The following GRM5 variants were observed in gnomAD, a reference collection of about 807,000 sequenced individuals.
GRM5 encodes the protein glutamate metabotropic receptor 5.
In GRM5, 19 loss-of-function variants were observed where a neutral mutation model predicts 83.1. The ratio of observed to expected loss-of-function variants is 0.23; its 90% confidence interval spans 0.16 to 0.34. GRM5 has a LOEUF of 0.34. GRM5 is among the 10% of genes least tolerant of loss of function. The pLI, the probability that GRM5 is intolerant of heterozygous loss-of-function variation, is 1.00. For synonymous variants in GRM5, 675 were observed against 633.6 expected (o/e 1.07, Z -0.98); for missense variants, 1,160 against 1,588.3 (o/e 0.73, Z 4.58).
At chr11:88,990,090 A>G (rs1038931754) in intron 2 of GRM5, among the ~76,000 whole-genome samples, 1 of 149,938 alleles carries the variant, frequency 6.7e-6, no homozygotes, top group Non-Finnish European at 1.5e-5. Context: ...TTTTGAAAGG[A>G]TCAACAAAAT....
At position 88,679,632 on chromosome 11, in the gene GRM5, G is replaced by T. The variant is rs149145560; in HGVS notation, c.912-26229C>A. Among the ~76,000 whole-genome samples, 682 of 152,142 alleles carry T rather than the reference G, an allele frequency of 4.5e-3. 6 individuals carry two copies. The highest frequency in any genetic ancestry group is 0.016 in the African/African-American group (658 of 41,514). On this transcript the variant is annotated intron_variant, in intron 3 of 9. Transcript: ENST00000305447. Reference sequence around the variant, plus strand: ...GCTTCACATATGATAATATCCTGGGGCTCAAATACTTTTATACTTTTATGA... The same window carrying T: ...GCTTCACATATGATAATATCCTGGGTCTCAAATACTTTTATACTTTTATGA...
At chr11:89,042,807 T>C (rs1941563112) in intron 2 of GRM5, among the ~76,000 whole-genome samples, 1 of 152,190 alleles carries the variant, frequency 6.6e-6, no homozygotes, top group Admixed American at 6.6e-5. Context: ...TATCACATTT[T>C]TAAGTAAATA....
intron 3 of GRM5, among the ~76,000 whole-genome samples, chr11:88,694,827 G>A (rs568299339): frequency 2.0e-5 from 3 of 152,104 alleles, no homozygotes; most frequent in Non-Finnish European, 4.4e-5. Flanking sequence ...TGGTACTCTC[G>A]GGACAGATTA....
chr11:88,924,204 T>A (rs1229542218), intron 2 of GRM5, among the ~76,000 whole-genome samples: 1 of 151,396 alleles, frequency 6.6e-6, no homozygotes, highest in Non-Finnish European at 1.5e-5. Flanking sequence ...GTACACTGTT[T>A]CTGAGAATGT....
chr11:88,654,503 G>C lies in GRM5; in HGVS notation c.912-1100C>G, dbSNP rs113699447. Among the ~76,000 whole-genome samples, 396 of 152,088 alleles carry C rather than the reference G, an allele frequency of 2.6e-3. 3 individuals carry two copies. The highest frequency in any genetic ancestry group is 9.0e-3 in the African/African-American group (372 of 41,522). ...TGCTTGTAAAGGAAGTATGGGGAAA[G>C]GGAAAATTTGACTAAATTACAAGTA... On this transcript the variant is annotated intron_variant, in intron 3 of 9. Coordinates refer to ENST00000305447, the MANE Select transcript of GRM5 (RefSeq NM_001143831.3).
chr11:88,681,225 C>G (rs549817384), intron 3 of GRM5, among the ~76,000 whole-genome samples: 1 of 152,228 alleles, frequency 6.6e-6, no homozygotes, highest in African/African-American at 2.4e-5. Context: ...CTCATCCCCT[C>G]CTGAGTTATA....
chr11:88,928,370 C>A (rs1386890184), intron 2 of GRM5, among the ~76,000 whole-genome samples: 1 of 151,856 alleles, frequency 6.6e-6, no homozygotes, highest in African/African-American at 2.4e-5. Flanking sequence ...GCGATAACTG[C>A]AACTCCAAAG....
intron 1 of GRM5, among the ~76,000 whole-genome samples, chr11:89,057,990 A>G (rs1460006359): frequency 6.6e-6 from 1 of 152,188 alleles, no homozygotes; most frequent in Non-Finnish European, 1.5e-5. Flanking sequence ...CCAAAGTATC[A>G]AACCTACAAT....
At chr11:88,781,640 G>T (rs2135463584) in intron 3 of GRM5, among the ~76,000 whole-genome samples, 1 of 152,270 alleles carries the variant, frequency 6.6e-6, no homozygotes, top group East Asian at 1.9e-4. Flanking sequence ...CATTTGTAAG[G>T]CAAGTAGTTA....
intron 2 of GRM5, among the ~76,000 whole-genome samples, chr11:89,014,818 C>T (rs1940808194): frequency 6.6e-6 from 1 of 152,110 alleles, no homozygotes; most frequent in African/African-American, 2.4e-5. Flanking sequence ...TCTGTACCCA[C>T]AAAAAGTCTT....
chr11:88,975,423 C>T (rs1939301781), intron 2 of GRM5, among the ~76,000 whole-genome samples: 2 of 152,172 alleles, frequency 1.3e-5, no homozygotes, highest in Non-Finnish European at 2.9e-5. Flanking sequence ...TTTTCAGGTC[C>T]TATTTCCAGA....
chr11:88,628,158 C>T (rs1488897581), intron 4 of GRM5, among the ~76,000 whole-genome samples: 1 of 152,142 alleles, frequency 6.6e-6, no homozygotes, highest in Non-Finnish European at 1.5e-5. Flanking sequence ...CCCTAATTTC[C>T]CCAGATGCAT....
intron 4 of GRM5, among the ~76,000 whole-genome samples, chr11:88,623,234 C>A (rs973114841): frequency 3.3e-5 from 5 of 152,028 alleles, no homozygotes; most frequent in African/African-American, 1.2e-4. Flanking sequence ...TATAGCTGCC[C>A]ACCACCATGC....
intron 8 of GRM5, among the ~76,000 whole-genome samples, chr11:88,555,101 T>C (rs1296216250): frequency 2.0e-5 from 3 of 152,292 alleles, no homozygotes; most frequent in Middle Eastern, 3.4e-3. Context: ...ACCAGCTATG[T>C]AATCTTAGAT....
At chr11:88,602,311 T>A (rs1938021998) in intron 5 of GRM5, among the ~76,000 whole-genome samples, 1 of 152,192 alleles carries the variant, frequency 6.6e-6, no homozygotes, top group Non-Finnish European at 1.5e-5. Context: ...AAATTCTGGG[T>A]TCTGTAACAC....
intron 2 of GRM5, among the ~76,000 whole-genome samples, chr11:89,040,274 T>G (rs2135139889): frequency 6.6e-6 from 1 of 152,274 alleles, no homozygotes; most frequent in Admixed American, 6.5e-5. Flanking sequence ...AAGATAGCAT[T>G]AATGTAATCA....
At chr11:89,062,211 T>A (rs1004953881) in intron 1 of GRM5, among the ~76,000 whole-genome samples, 1 of 152,160 alleles carries the variant, frequency 6.6e-6, no homozygotes, top group African/African-American at 2.4e-5. Flanking sequence ...TTGAGGTAAC[T>A]GAGAAATTAA....
intron 2 of GRM5, among the ~76,000 whole-genome samples, chr11:88,914,752 T>C (rs1289727139): frequency 6.6e-6 from 1 of 152,222 alleles, no homozygotes. Context: ...ATATCCACTT[T>C]ACTTTCAAGG....
intron 2 of GRM5, among the ~76,000 whole-genome samples, chr11:88,853,533 A>G (rs1944422313): frequency 6.6e-6 from 1 of 152,018 alleles, no homozygotes; most frequent in Non-Finnish European, 1.5e-5. Flanking sequence ...AAGAAGATGT[A>G]CAAGGTAAGA....
Sources: allele counts gnomAD v4.1 joint callset (sites outside exome capture counted in the v4.1 genomes callset), GRCh38; gene constraint gnomAD v4.1.1; transcripts MANE v1.5; gene names NCBI Gene and HGNC (gene_info 2026-07-23, HGNC 2026-07-21).